PSME4: variants seen among roughly 807,000 people sequenced by gnomAD.
PSME4 encodes the protein proteasome activator subunit 4.
In PSME4, 89 loss-of-function variants were observed where a neutral mutation model predicts 253.9. The ratio of observed to expected loss-of-function variants is 0.35; its 90% CI spans 0.30 to 0.42. The LOEUF is 0.42. PSME4 is among the 10% of genes least tolerant of loss of function. The pLI is 1.00. For synonymous variants in PSME4, 851 were observed against 759.2 expected (o/e 1.12, Z -1.99); for missense variants, 2,014 against 2,195.2 (o/e 0.92, Z 1.65).
chr2:53,893,590 T>C, intron 35 of PSME4, 84 bp downstream of exon 35: 1 of 1,563,674 alleles, frequency 6.4e-7, no homozygotes, highest in Non-Finnish European at 8.6e-7. Context: ...ATGGCTAGCT[T>C]TGATCAAATA....
In PSME4 at chr2:53,874,482, T is replaced by C. The variant is rs201607572; in HGVS notation, c.4957A>G (p.Ser1653Gly). 282 of 1,613,358 alleles carry C rather than the reference T, an allele frequency of 1.7e-4. No individual in the cohort carries two copies. The highest frequency in any genetic ancestry group is 4.9e-4 in the Middle Eastern group (3 of 6,078). ...ACTGTGTATCGTGCATGCCAAGAAC[T>C]GCTTCTTGCTGTCTGTGAATGACAA... ...LQVLKQTARS[S>G]SWHARYTVLT... Residue 1653 changes from serine (S) to glycine (G), a missense_variant, in exon 43 of 47, where the codon AGT becomes GGT. Ser to Gly is a moderately conservative substitution (Grantham distance 56). This residue lies in a region of PSME4 where 403 missense variants were observed against 556.1 expected (regional missense o/e 0.72). Coordinates refer to ENST00000404125, the MANE Select transcript of PSME4 (RefSeq NM_014614.3).
rs938002604 is a variant in PSME4, at chr2:53,939,292, A to G, written c.545+664T>C. Among the ~76,000 whole-genome samples the G allele has an allele frequency of 2.6e-5, 4 of 152,244 alleles. No homozygotes were observed. In the East Asian group the frequency reaches 5.8e-4, roughly 22 times the overall value. ...AAAAAGGAGTCACTGATTCCATATC[A>G]TCTAAACAGTCTTAGAATAACTTGA... On this transcript the variant is annotated intron_variant, in intron 4 of 46. Coordinates refer to ENST00000404125, the MANE Select transcript of PSME4 (RefSeq NM_014614.3).
At chr2:53,925,781 TTCA>T in intron 13 of PSME4, 92 bp from the exon 14 acceptor site, 1 of 1,363,202 alleles carries the variant, frequency 7.3e-7, no homozygotes, top group East Asian at 2.3e-5. Flanking sequence ...GTCCTAATTA[TTCA>T]AGTGATAGCT....
chr2:53,939,404 T>C (rs1370228937), intron 4 of PSME4, among the ~76,000 whole-genome samples: 1 of 152,168 alleles, frequency 6.6e-6, no homozygotes, highest in Non-Finnish European at 1.5e-5. Context: ...AATTAAATTT[T>C]ATCCACACTC....
chr2:53,898,124 T>G, intron 30 of PSME4, 125 bp from the exon 31 acceptor site: 1 of 1,201,330 alleles, frequency 8.3e-7, no homozygotes, highest in Non-Finnish European at 1.2e-6. Flanking sequence ...TGAAGAATAC[T>G]GCTCCTATCA....
chr2:53,930,685 T>C (rs942393993), intron 10 of PSME4, among the ~76,000 whole-genome samples: 6 of 152,204 alleles, frequency 3.9e-5, no homozygotes, highest in Admixed American at 1.3e-4. Context: ...AGGCCCATTT[T>C]GGTTAAGATC....
chr2:53,879,039 C>A (rs1430523431), intron 41 of PSME4, among the ~76,000 whole-genome samples: 3 of 152,132 alleles, frequency 2.0e-5, no homozygotes. Context: ...CCCCCGGACA[C>A]CCAGCTTTAA....
chr2:53,906,497 A>T (rs1573257659), intron 26 of PSME4, 101 bp downstream of exon 26: 1 of 1,383,224 alleles, frequency 7.2e-7, no homozygotes, highest in Non-Finnish European at 9.4e-7. Context: ...AATTCCAATT[A>T]TGGGTGAAAT....
intron 3 of PSME4, among the ~76,000 whole-genome samples, chr2:53,940,951 A>ATATATT (rs1558413599): frequency 2.4e-4 from 4 of 16,498 alleles, no homozygotes; most frequent in African/African-American, 2.5e-4. Context: ...ATATATATAT[A>ATATATT]CATATATATA....
At chr2:53,953,375 C>G (rs1275868516) in intron 1 of PSME4, among the ~76,000 whole-genome samples, 1 of 150,906 alleles carries the variant, frequency 6.6e-6, no homozygotes, top group Non-Finnish European at 1.5e-5. Context: ...GGCAAAAAGG[C>G]TGGGCGTAGT....
chr2:53,922,951 T>C (rs754099943), intron 16 of PSME4, 98 bp downstream of exon 16: 4 of 1,004,574 alleles, frequency 4.0e-6, no homozygotes, highest in Non-Finnish European at 5.6e-6. Flanking sequence ...CAAAATATTG[T>C]GAAGCTAAAG....
At chr2:53,929,130 C>T (rs1668702699) in intron 10 of PSME4, among the ~76,000 whole-genome samples, 1 of 151,146 alleles carries the variant, frequency 6.6e-6, no homozygotes, top group African/African-American at 2.4e-5. Flanking sequence ...TATGCCACTG[C>T]ACTCCAGCCT....
chr2:53,931,323 T>A (rs952728964), intron 10 of PSME4, among the ~76,000 whole-genome samples: 4 of 152,170 alleles, frequency 2.6e-5, no homozygotes, highest in Admixed American at 2.0e-4. Flanking sequence ...CCACGCCTAT[T>A]CTGTGACAGT....
chr2:53,914,673 G>C (rs895207296), intron 20 of PSME4, among the ~76,000 whole-genome samples: 2 of 152,236 alleles, frequency 1.3e-5, no homozygotes, highest in African/African-American at 2.4e-5. Context: ...ACAAGGTCAG[G>C]AGTTCAAGAC....
At chr2:53,900,042 A>T in intron 28 of PSME4, 25 bp from the exon 29 acceptor site, 1 of 1,603,206 alleles carries the variant, frequency 6.2e-7, no homozygotes, top group Non-Finnish European at 8.5e-7. Flanking sequence ...AAAAGCAGGA[A>T]AAAAAATGAA....
chr2:53,904,917 G>A (rs772531070), intron 26 of PSME4, among the ~76,000 whole-genome samples: 9 of 151,932 alleles, frequency 5.9e-5, no homozygotes, highest in African/African-American at 1.7e-4. Context: ...GAACTCAGGC[G>A]GCGGAGGTTG....
At chr2:53,871,507 G>A (rs1341221086) in intron 43 of PSME4, among the ~76,000 whole-genome samples, 2 of 151,808 alleles carry the variant, frequency 1.3e-5, no homozygotes, top group Non-Finnish European at 2.9e-5. Context: ...GCCCACCTCG[G>A]CCTCCCAAAG....
intron 2 of PSME4, 77 bp downstream of exon 2, chr2:53,949,066 A>G: frequency 7.0e-7 from 1 of 1,431,902 alleles, no homozygotes; most frequent in East Asian, 2.5e-5. Flanking sequence ...CTTCTTACCA[A>G]AAACACTTAG....
chr2:53,901,073 G>A (rs967537880), intron 28 of PSME4, among the ~76,000 whole-genome samples: 1 of 151,956 alleles, frequency 6.6e-6, no homozygotes, highest in Non-Finnish European at 1.5e-5. Flanking sequence ...TGAAGCTGTG[G>A]GCACACACAA....
Sources: gnomAD v4.1 joint callset for allele counts (sites outside exome capture counted in the v4.1 genomes callset) on GRCh38, gnomAD v4.1.1 for gene constraint, gnomAD v4.1.1 regional missense constraint, MANE v1.5 for transcripts, NCBI Gene and HGNC (gene_info 2026-07-23, HGNC 2026-07-21) for gene names.